Variants in PARP10 observed in about 807,000 individuals in gnomAD.
PARP10 encodes protein mono-ADP-ribosyltransferase PARP10.
In PARP10, 56 loss-of-function variants were observed where a neutral mutation model predicts 82.4. That is an observed-to-expected ratio of 0.68 (90% CI 0.55 to 0.85). PARP10 has a LOEUF of 0.85. Ranked by LOEUF, PARP10 falls within the 40% of genes least tolerant of loss-of-function variation. The probability of loss-of-function intolerance (pLI) is 0.00; values close to 1 mark genes in which losing one functional copy is unlikely to be tolerated. For synonymous variants in PARP10, 576 were observed against 601.1 expected, an observed-to-expected ratio of 0.96 and a Z score of 0.61; for missense variants, 1,227 against 1,379.4, an observed-to-expected ratio of 0.89 and a Z score of 1.75.
chr8:143,992,235 C>T, upstream of PARP10: 2 of 1,604,236 alleles, frequency 1.2e-6, no homozygotes, highest in Non-Finnish European at 1.7e-6. Flanking sequence ...CCTGTGTCTC[C>T]CAACTGCAGT....
At chr8:143,991,092 TC>T, upstream of PARP10, 1 of 624,252 alleles carries the variant, frequency 1.6e-6, no homozygotes, top group Non-Finnish European at 2.8e-6. Flanking sequence ...GTCACGGTCT[TC>T]CCTTGCTTCC....
rs1037376347 is a variant in PARP10, at chr8:143,982,914, G to A, written c.2556+18C>T. The A allele has an allele frequency of 1.1e-5, 18 of 1,612,234 alleles. No homozygotes were observed. The highest frequency in any genetic ancestry group is 1.5e-5 in the Non-Finnish European group (18 of 1,179,468). On this transcript the variant is annotated intron_variant, in intron 9 of 10. Coordinates refer to ENST00000313028, the MANE Select transcript of PARP10 (RefSeq NM_032789.5). ...GCCCAGGACGCCATGAGGCCAGAGA[G>A]ACAGGGCATGGACTCACACGAACGA...
intron 1 of PARP10, among the ~76,000 whole-genome samples, chr8:144,004,811 G>A (rs1834223831): frequency 1.3e-5 from 2 of 152,182 alleles, no homozygotes; most frequent in Non-Finnish European, 2.9e-5. Flanking sequence ...CAGACCCAGT[G>A]TCCCAGAGCA....
chr8:143,989,314 C>T (rs1218372856), upstream of PARP10, among the ~76,000 whole-genome samples: 1 of 152,270 alleles, frequency 6.6e-6, no homozygotes, highest in East Asian at 1.9e-4. The surrounding 1 kb of genome is among the most constrained non-coding windows in gnomAD (Gnocchi z 4.3). Context: ...CCCCAAGCCT[C>T]AGCCCCTCGC....
chr8:144,005,600 T>C (rs1180288864), intron 1 of PARP10, among the ~76,000 whole-genome samples: 1 of 152,114 alleles, frequency 6.6e-6, no homozygotes, highest in Admixed American at 6.5e-5. Flanking sequence ...CATCTCAGCC[T>C]ACAGACTCCA....
rs1554749129 is a variant in PARP10 at position 143,985,604 on chromosome 8, C to T, written c.481G>A (p.Gly161Arg). Residue 161 changes from glycine to arginine, a missense_variant, in exon 4 of 11, where the codon GGG becomes AGG. Coordinates refer to ENST00000313028, the MANE Select transcript of PARP10 (RefSeq NM_032789.5). The stretch of plus-strand genomic sequence containing the variant: ...ACCCGGGCCAGGGACACCAAGGTCC[C>T]CTCCAGGCCCAGATTCTGGGCCTGC... The part of the protein sequence containing the change: ...EEQAQNLGLE[G>R]TLVSLARVPQ... The T allele has an allele frequency of 6.2e-7, 1 of 1,613,938 alleles. No homozygotes were observed. The highest frequency in any genetic ancestry group is 1.3e-5 in the African/African-American group (1 of 75,056).
At chr8:143,992,226 C>T (rs782146869), upstream of PARP10, 1 of 1,603,772 alleles carries the variant, frequency 6.2e-7, no homozygotes, top group Non-Finnish European at 8.5e-7. Context: ...CAAGGTCAGC[C>T]TGTGTCTCCC....
upstream of PARP10, chr8:143,992,789 TC>T (rs1358895694): frequency 6.2e-7 from 1 of 1,613,718 alleles, no homozygotes; most frequent in African/African-American, 1.3e-5. Context: ...TACACAGACA[TC>T]ATCAACATCT....
intron 1 of PARP10, among the ~76,000 whole-genome samples, chr8:144,004,470 G>C (rs533717945): frequency 2.9e-4 from 44 of 152,180 alleles, no homozygotes; most frequent in African/African-American, 8.9e-4. Context: ...CTGAGTGTAG[G>C]TGTCATTGTC....
At chr8:143,981,191 C>T (rs542150249) in intron 9 of PARP10, among the ~76,000 whole-genome samples, 3 of 151,692 alleles carry the variant, frequency 2.0e-5, no homozygotes, top group South Asian at 4.1e-4. Context: ...GAGGTCAGTG[C>T]GTCTGGGTGG....
rs1554749130 is a variant in PARP10 at position 143,985,606 on chromosome 8, T to C, written c.479A>G (p.Glu160Gly). ...CCGGGCCAGGGACACCAAGGTCCCCTCCAGGCCCAGATTCTGGGCCTGCTC... is the reference window on the plus strand; with the variant it reads ...CCGGGCCAGGGACACCAAGGTCCCCCCCAGGCCCAGATTCTGGGCCTGCTC... ...LEEQAQNLGL[E>G]GTLVSLARVP... The change falls in exon 4 of 11, where the codon GAG becomes GGG. Residue 160 changes from glutamate to glycine, a missense_variant. Physicochemically the swap from Glu to Gly is moderately conservative, Grantham distance 98. Coordinates refer to ENST00000313028, the MANE Select transcript of PARP10 (RefSeq NM_032789.5). 1 of 1,613,866 alleles carries C rather than the reference T, an allele frequency of 6.2e-7. No individual in the cohort carries two copies. Among genetic ancestry groups the C allele is most frequent in the Non-Finnish European group, 8.5e-7 (1 of 1,179,988 alleles).
Position 143,985,473 on chromosome 8 carries a change from C to T in PARP10, c.612G>A (p.Leu204=). The T allele has an allele frequency of 6.2e-7, 1 of 1,613,248 alleles. No homozygotes were observed. Among genetic ancestry groups the T allele is most frequent in the Non-Finnish European group, 8.5e-7 (1 of 1,179,690 alleles). The change falls in exon 4 of 11, where the codon CTG becomes CTA. Residue 204 remains leucine, a synonymous_variant. Transcript: ENST00000313028. The part of the protein sequence containing the change: ...ENERRSGGGP[L]EDLQRLPGPL... ...GCCCGGGTAGGCGTTGCAGGTCCTC[C>T]AGGGGCCCCCCACCACTGCGGCGCT...
intron 9 of PARP10, among the ~76,000 whole-genome samples, chr8:143,981,310 TGGTGGTGATGGTGGTGACGACAGTG>T: frequency 6.7e-6 from 1 of 148,768 alleles, no homozygotes; most frequent in Admixed American, 6.7e-5. Context: ...GTGGTAGTGG[TGGTGGTGATGGTGGTGACGACAGTG>T]AGTGGTGAAG....
At chr8:144,012,431 TC>T in intron 1 of PARP10, 1 of 1,239,410 alleles carries the variant, frequency 8.1e-7, no homozygotes, top group Non-Finnish European at 1.1e-6. Flanking sequence ...GCACCCTCCT[TC>T]AGCCCAGGCA....
At chr8:143,995,368 G>C (rs573215070), upstream of PARP10, among the ~76,000 whole-genome samples, 4 of 152,210 alleles carry the variant, frequency 2.6e-5, no homozygotes, top group South Asian at 8.3e-4. Flanking sequence ...AGAAGCATCG[G>C]GAGGTGCCAA....
chr8:143,984,508 G>A (rs145495110), intron 5 of PARP10, 36 bp downstream of exon 5: 18 of 1,591,204 alleles, frequency 1.1e-5, no homozygotes, highest in Middle Eastern at 3.3e-4. Context: ...GTAGGAGGAG[G>A]GGGCTGAAGG....
At chr8:144,000,798 T>C (rs797034920) in intron 1 of PARP10, among the ~76,000 whole-genome samples, 36 of 152,172 alleles carry the variant, frequency 2.4e-4, no homozygotes, top group African/African-American at 8.7e-4. Context: ...TAATCCCAGA[T>C]GATTGTAATA....
upstream of PARP10, chr8:143,993,290 G>A (rs1203857707): frequency 2.9e-5 from 6 of 203,662 alleles, no homozygotes; most frequent in South Asian, 8.5e-5. Context: ...GGGGACATGC[G>A]GAGTGGGGGT....
At chr8:143,991,444 A>G (rs1427243071), upstream of PARP10, 1 of 1,461,968 alleles carries the variant, frequency 6.8e-7, no homozygotes, top group South Asian at 1.4e-5. Context: ...CAGGGTCCCT[A>G]CCCCCAAGGG....
Sources: allele counts gnomAD v4.1 joint callset (sites outside exome capture counted in the v4.1 genomes callset), GRCh38; gene constraint gnomAD v4.1.1; non-coding constraint Gnocchi (gnomAD v3.1); transcripts MANE v1.5; gene names NCBI Gene and HGNC (gene_info 2026-07-23, HGNC 2026-07-21).